Variants in UGCG observed in about 807,000 individuals in gnomAD.
UGCG encodes the protein ceramide glucosyltransferase.
In UGCG, 10 loss-of-function variants were observed where a neutral mutation model predicts 49.5. The ratio of observed to expected loss-of-function variants is 0.20; its 90% confidence interval spans 0.12 to 0.34. The LOEUF (loss-of-function observed/expected upper bound fraction) is 0.34, where lower values mean the gene tolerates loss of function less well. Among genes scored for constraint, UGCG ranks in the 10% least tolerant of loss-of-function variants. The probability of loss-of-function intolerance (pLI) is 1.00; values close to 1 mark genes in which losing one functional copy is unlikely to be tolerated. For missense variants in UGCG, 312 were observed against 483.7 expected (o/e 0.65, Z 3.33); for synonymous variants, 182 against 158.2 (o/e 1.15, Z -1.13).
rs1487398742 is a variant in UGCG, at chr9:111,926,507, T to G, written c.558+11T>G. 4 of 1,587,752 alleles carry G rather than the reference T, an allele frequency of 2.5e-6. No homozygotes were observed. The Admixed American group carries it at 7.0e-5, about 28-fold the overall frequency. ...GCCACCTTAGAGCAGGTGAGTATGG[T>G]GGTTATAAATCATGTTCATAGTATC... On this transcript the variant is annotated intron_variant, in intron 5 of 8. Coordinates refer to ENST00000374279, the MANE Select transcript of UGCG (RefSeq NM_003358.3).
chr9:111,904,603 G>C (rs1781263313), intron 1 of UGCG, among the ~76,000 whole-genome samples: 1 of 152,178 alleles, frequency 6.6e-6, no homozygotes, highest in Admixed American at 6.5e-5. Context: ...GCTCACACCT[G>C]TAATCCCAGC....
At position 111,924,771 on chromosome 9, in the gene UGCG, T is replaced by G. The variant is rs761067406; in HGVS notation, c.344-6T>G. 2.7e-6 allele frequency: 4 copies of G among 1,505,166 alleles called. No homozygotes were observed. The highest frequency in any genetic ancestry group is 4.6e-5 in the Admixed American group (2 of 43,104). The allele number at this position is 1,505,166 out of a possible 1,614,324, so 93.2% of individuals were successfully genotyped here. On this transcript the variant is annotated splice_polypyrimidine_tract_variant and splice_region_variant and intron_variant, in intron 3 of 8. Transcript: ENST00000374279. ...ATCTTTTACTACTGTACCTTTACAT[T>G]TTTAGGTGGCAAAAAAGTTGGCATT...
At chr9:111,919,787 T>C (rs1417060400) in intron 2 of UGCG, among the ~76,000 whole-genome samples, 5 of 123,004 alleles carry the variant, frequency 4.1e-5, no homozygotes, top group Admixed American at 2.7e-4. Context: ...AGAGCGAGAC[T>C]CCATCTCAAA....
intron 3 of UGCG, among the ~76,000 whole-genome samples, chr9:111,924,430 C>A (rs1838281543): frequency 6.6e-6 from 1 of 152,092 alleles, no homozygotes; most frequent in Non-Finnish European, 1.5e-5. Flanking sequence ...GGTGAGAAAT[C>A]TACTCTTAGT....
At chr9:111,919,541 C>T (rs1301183215) in intron 2 of UGCG, among the ~76,000 whole-genome samples, 2 of 151,892 alleles carry the variant, frequency 1.3e-5, no homozygotes, top group African/African-American at 4.8e-5. Flanking sequence ...CCTGTAATCC[C>T]AGCACTCTGG....
intron 3 of UGCG, 116 bp downstream of exon 3, chr9:111,923,067 G>A: frequency 1.6e-6 from 1 of 613,246 alleles, no homozygotes; most frequent in Non-Finnish European, 2.6e-6. Flanking sequence ...ATGTTTGTTG[G>A]AGTACTGAGA....
At chr9:111,921,987 A>T (rs1045976595) in intron 2 of UGCG, among the ~76,000 whole-genome samples, 3 of 151,066 alleles carry the variant, frequency 2.0e-5, no homozygotes, top group African/African-American at 7.3e-5. Flanking sequence ...AATTTTAAAA[A>T]TTTTTTGTAG....
intron 4 of UGCG, among the ~76,000 whole-genome samples, chr9:111,925,464 G>A (rs1466490305): frequency 6.6e-6 from 1 of 152,186 alleles, no homozygotes; most frequent in Non-Finnish European, 1.5e-5. Context: ...AGGCTTTGTT[G>A]TGGGAGCTGT....
At chr9:111,897,621 G>A (rs867665364) in intron 1 of UGCG, among the ~76,000 whole-genome samples, 53 of 152,246 alleles carry the variant, frequency 3.5e-4, no homozygotes, top group African/African-American at 1.0e-3. Context: ...GGGGATTCGT[G>A]TAATTTTTCA....
intron 1 of UGCG, among the ~76,000 whole-genome samples, chr9:111,905,652 C>T (rs1305638138): frequency 2.0e-5 from 3 of 151,948 alleles, no homozygotes; most frequent in Non-Finnish European, 4.4e-5. Context: ...CGGGGTTTCA[C>T]CATATTGGTT....
intron 8 of UGCG, 125 bp downstream of exon 8, chr9:111,932,484 G>C: frequency 9.7e-7 from 1 of 1,028,388 alleles, no homozygotes. Context: ...TTAGTCTCGG[G>C]TTTGAACATG....
chr9:111,921,706 T>C (rs891869648), intron 2 of UGCG, among the ~76,000 whole-genome samples: 1 of 151,506 alleles, frequency 6.6e-6, no homozygotes, highest in Non-Finnish European at 1.5e-5. Context: ...TTCAGGATTT[T>C]ATAAATCTGG....
chr9:111,914,915 G>T (rs1838085900), intron 2 of UGCG, 169 bp downstream of exon 2: 5 of 951,702 alleles, frequency 5.3e-6, no homozygotes, highest in South Asian at 5.0e-5. Flanking sequence ...ACAGAAATAG[G>T]TTGAGGAAGG....
chr9:111,908,083 T>G (rs1837920964), intron 1 of UGCG, among the ~76,000 whole-genome samples: 1 of 151,700 alleles, frequency 6.6e-6, no homozygotes, highest in Admixed American at 6.6e-5. Flanking sequence ...TGTCCAAAAG[T>G]TGAAGGCTTG....
At chr9:111,906,965 A>AGAGATGAGTCTTAAAGCAGTGCTGCTC (rs1837897364) in intron 1 of UGCG, among the ~76,000 whole-genome samples, 1 of 152,228 alleles carries the variant, frequency 6.6e-6, no homozygotes, top group Admixed American at 6.5e-5. Flanking sequence ...AATTTATAGC[A>AGAGATGAGTCTTAAAGCAGTGCTGCTC]GAGATGAGTC....
chr9:111,911,927 TATATATATA>T (rs1299760275), intron 1 of UGCG, among the ~76,000 whole-genome samples: 3 of 24,806 alleles, frequency 1.2e-4, no homozygotes, highest in African/African-American at 5.8e-4. Flanking sequence ...TATATATATA[TATATATATA>T]TATATATATA....
intron 5 of UGCG, among the ~76,000 whole-genome samples, chr9:111,928,181 G>T (rs1032670817): frequency 6.6e-6 from 1 of 152,164 alleles, no homozygotes; most frequent in Non-Finnish European, 1.5e-5. Context: ...CTTGCATCTG[G>T]CCTTTGGCAG....
In UGCG at chr9:111,896,835, G is replaced by T. The variant is rs915635083; in HGVS notation, c.-381G>T. 6.6e-6 allele frequency: 1 copy of T among 152,410 alleles called. No homozygotes were observed. Among genetic ancestry groups the T allele is most frequent in the South Asian group, 2.1e-4 (1 of 4,852 alleles). The allele number at this position is 152,410 out of a possible 1,614,324, so 9.4% of individuals were successfully genotyped here. On this transcript the variant is annotated 5_prime_UTR_variant, in exon 1 of 9. Coordinates refer to ENST00000374279, the MANE Select transcript of UGCG (RefSeq NM_003358.3). ...GATTAGTGCGCGGAGCTGCGGCGGT[G>T]GAGCTGCTCGGCCGGGAGCCCGGCG... is the stretch of plus-strand genomic sequence containing the variant.
intron 7 of UGCG, among the ~76,000 whole-genome samples, chr9:111,931,691 TTC>T (rs2118605578): frequency 6.6e-6 from 1 of 152,290 alleles, no homozygotes; most frequent in East Asian, 1.9e-4. Flanking sequence ...AAAGACATTT[TTC>T]TTTGACATCC....
Sources: allele counts gnomAD v4.1 joint callset (sites outside exome capture counted in the v4.1 genomes callset), GRCh38; gene constraint gnomAD v4.1.1; transcripts MANE v1.5; gene names NCBI Gene and HGNC (gene_info 2026-07-23, HGNC 2026-07-21).